Variants in ACAA2 observed in about 807,000 individuals in gnomAD.
ACAA2 encodes acetyl-CoA acyltransferase 2.
ACAA2 carries 35 observed loss-of-function variants against 44.8 expected under a neutral mutation model. The ratio of observed to expected loss-of-function variants is 0.78; its 90% CI spans 0.60 to 1.04. The LOEUF (loss-of-function observed/expected upper bound fraction) is 1.04, where lower values mean the gene tolerates loss of function less well. Ranked by LOEUF, ACAA2 falls within the 50% of genes least tolerant of loss-of-function variation. The pLI is 0.00. For synonymous variants in ACAA2, 142 were observed against 166.5 expected, an observed-to-expected ratio of 0.85 and a Z score of 1.13; for missense variants, 468 against 482.6, an observed-to-expected ratio of 0.97 and a Z score of 0.28.
intron 1 of ACAA2, among the ~76,000 whole-genome samples, chr18:49,808,544 A>G (rs1159042770): frequency 6.6e-6 from 1 of 152,158 alleles, no homozygotes; most frequent in Non-Finnish European, 1.5e-5. Context: ...AAAGAGAGGA[A>G]TTTTACAGCT....
At chr18:49,787,925 T>C (rs897763303) in intron 7 of ACAA2, among the ~76,000 whole-genome samples, 2 of 152,220 alleles carry the variant, frequency 1.3e-5, no homozygotes, top group African/African-American at 4.8e-5. Flanking sequence ...CAGGCCCATT[T>C]GGATAAAAGA....
At chr18:49,786,954 C>T (rs1054524038) in intron 8 of ACAA2, among the ~76,000 whole-genome samples, 1 of 152,094 alleles carries the variant, frequency 6.6e-6, no homozygotes, top group Non-Finnish European at 1.5e-5. Flanking sequence ...AATTATTTTA[C>T]ATATATTTTT....
At chr18:49,801,012 T>A (rs930926014) in intron 2 of ACAA2, among the ~76,000 whole-genome samples, 1 of 152,060 alleles carries the variant, frequency 6.6e-6, no homozygotes, top group African/African-American at 2.4e-5. Context: ...TATTCAACAT[T>A]GGAGATTCTA....
rs890792125 is a variant in ACAA2 at position 49,792,908 on chromosome 18, C to T, written c.578-581G>A. On this transcript the variant is annotated intron_variant, in intron 5 of 9. Coordinates refer to ENST00000285093, the MANE Select transcript of ACAA2 (RefSeq NM_006111.3). ...CGTATTGGAGGATTTACGATACTGT[C>T]ATGTGTTTATGTAGATGCATTTTGC... 4.6e-5 allele frequency among the ~76,000 whole-genome samples: 7 copies of T among 152,142 alleles called. 1 individual carries two copies. In the East Asian group the frequency reaches 1.2e-3, roughly 25 times the overall value.
intron 3 of ACAA2, among the ~76,000 whole-genome samples, chr18:49,796,739 G>A (rs1331716794): frequency 6.6e-6 from 1 of 151,738 alleles, no homozygotes; most frequent in East Asian, 1.9e-4. Flanking sequence ...TTTATTCAGT[G>A]CCTCACAGGT....
Position 49,802,777 on chromosome 18 carries a change from G to C in ACAA2, c.93C>G (p.Asp31Glu). ...GGLLKDFTAT[D>E]LSEFAAKAAL... ...CAGCCTTGGCAGCAAATTCAGACAA[G>C]TCAGTAGCAGTGAAGTCTTTCAGAA... Residue 31 changes from aspartate (D) to glutamate (E), a missense_variant, in exon 2 of 10, where the codon GAC becomes GAG. Asp to Glu is a conservative substitution (Grantham distance 45, BLOSUM62 2). Transcript: ENST00000285093. The C allele has an allele frequency of 6.2e-7, 1 of 1,614,118 alleles. No individual in the cohort carries two copies. Among genetic ancestry groups the C allele is most frequent in the South Asian group, 1.1e-5 (1 of 91,078 alleles).
At chr18:49,797,385 A>T in intron 3 of ACAA2, 81 bp downstream of exon 3, 1 of 1,335,318 alleles carries the variant, frequency 7.5e-7, no homozygotes, top group Non-Finnish European at 1.0e-6. Flanking sequence ...CCCTAAAGCT[A>T]AAGTGTTATA....
intron 1 of ACAA2, among the ~76,000 whole-genome samples, chr18:49,804,199 C>T (rs902753417): frequency 6.6e-6 from 1 of 152,106 alleles, no homozygotes; most frequent in Non-Finnish European, 1.5e-5. Context: ...GCGTGAGTCA[C>T]CCACTCCCGG....
intron 1 of ACAA2, 45 bp downstream of exon 1, chr18:49,813,424 G>T: frequency 8.1e-7 from 1 of 1,227,174 alleles, no homozygotes; most frequent in Non-Finnish European, 1.0e-6. Flanking sequence ...CCTGGGGAGG[G>T]CAGGACCCCG....
At chr18:49,806,500 TA>T (rs1313445601) in intron 1 of ACAA2, among the ~76,000 whole-genome samples, 3 of 152,170 alleles carry the variant, frequency 2.0e-5, no homozygotes, top group Non-Finnish European at 4.4e-5. Flanking sequence ...AGTAACTGTC[TA>T]CAAAAAATAA....
intron 1 of ACAA2, chr18:49,811,432 G>A (rs1258047510): frequency 6.6e-6 from 1 of 152,114 alleles, no homozygotes; most frequent in Non-Finnish European, 1.5e-5. Flanking sequence ...ACAAAGCTAG[G>A]AGCAGTAGGA....
chr18:49,808,911 C>G (rs904006753), intron 1 of ACAA2, among the ~76,000 whole-genome samples: 1 of 152,102 alleles, frequency 6.6e-6, no homozygotes, highest in Non-Finnish European at 1.5e-5. Flanking sequence ...TACCAAGAAG[C>G]GTTTTTTCCC....
At chr18:49,797,873 T>C (rs2023483439) in intron 2 of ACAA2, among the ~76,000 whole-genome samples, 1 of 152,244 alleles carries the variant, frequency 6.6e-6, no homozygotes, top group African/African-American at 2.4e-5. Flanking sequence ...TATAGTTCAA[T>C]GGTATTATTT....
At chr18:49,789,964 CAAAA>C (rs2023379338) in intron 7 of ACAA2, among the ~76,000 whole-genome samples, 1 of 147,490 alleles carries the variant, frequency 6.8e-6, no homozygotes, top group African/African-American at 2.5e-5. Flanking sequence ...AAACAAAAAA[CAAAA>C]CCAACTCTGC....
In ACAA2 at chr18:49,782,316, ACCGTGGGTAGG is replaced by A. The variant is rs2023275853; in HGVS notation, c.*1520_*1530del. 1 of 152,076 alleles carries A rather than the reference ACCGTGGGTAGG, an allele frequency of 6.6e-6. No individual in the cohort carries two copies. The highest frequency in any genetic ancestry group is 6.6e-5 in the Admixed American group (1 of 15,256). The allele number at this position is 152,076 out of a possible 1,614,324, so 9.4% of individuals were successfully genotyped here. ...TGTTGCCACTAGTCCATTATCCCAAACCGTGGGTAGGCCGCTTGTCATCTGCCTCTCTATGA... is the reference window on the plus strand; with the variant it reads ...TGTTGCCACTAGTCCATTATCCCAAACCGCTTGTCATCTGCCTCTCTATGA... On this transcript the variant is annotated 3_prime_UTR_variant, in exon 10 of 10. Coordinates refer to ENST00000285093, the MANE Select transcript of ACAA2 (RefSeq NM_006111.3).
At position 49,793,998 on chromosome 18, in the gene ACAA2, C is replaced by G. The variant is rs185602121; in HGVS notation, c.577+282G>C. Among the ~76,000 whole-genome samples, 13 of 152,276 alleles carry G rather than the reference C, an allele frequency of 8.5e-5. No homozygotes were observed. In the East Asian group the frequency reaches 1.7e-3, roughly 20 times the overall value. On this transcript the variant is annotated intron_variant, in intron 5 of 9. Coordinates refer to ENST00000285093, the MANE Select transcript of ACAA2 (RefSeq NM_006111.3). ...GTATCGTATTCCTCATCATGTTCTACTGACAACAGGACCAGTTCAGCACAA... is the reference window on the plus strand; with the variant it reads ...GTATCGTATTCCTCATCATGTTCTAGTGACAACAGGACCAGTTCAGCACAA...
chr18:49,802,100 T>C (rs959422074), intron 2 of ACAA2, among the ~76,000 whole-genome samples: 4 of 152,132 alleles, frequency 2.6e-5, no homozygotes, highest in African/African-American at 9.7e-5. Flanking sequence ...AGGTGGCATA[T>C]AGAGAAGATC....
chr18:49,797,908 CCA>C (rs2023483780), intron 2 of ACAA2, among the ~76,000 whole-genome samples: 1 of 152,002 alleles, frequency 6.6e-6, no homozygotes, highest in African/African-American at 2.4e-5. Flanking sequence ...TGTTGTGTAA[CCA>C]CAGTCAATTG....
intron 2 of ACAA2, among the ~76,000 whole-genome samples, chr18:49,798,737 T>C (rs1459916714): frequency 6.6e-6 from 1 of 152,194 alleles, no homozygotes; most frequent in Non-Finnish European, 1.5e-5. Context: ...ATTAATCTAC[T>C]AACTAAATGT....
Sources: allele counts gnomAD v4.1 joint callset (sites outside exome capture counted in the v4.1 genomes callset), GRCh38; gene constraint gnomAD v4.1.1; transcripts MANE v1.5; gene names NCBI Gene and HGNC (gene_info 2026-07-23, HGNC 2026-07-21).